OTUD4: variants seen among roughly 807,000 people sequenced by gnomAD.
OTUD4 encodes OTU deubiquitinase 4.
In OTUD4, 24 loss-of-function variants were observed where a neutral mutation model predicts 130.4. That is an observed-to-expected ratio of 0.18 (90% confidence interval 0.13 to 0.26). The LOEUF (loss-of-function observed/expected upper bound fraction) is 0.26, where lower values mean the gene tolerates loss of function less well. OTUD4 is among the 10% of genes least tolerant of loss of function. The pLI, the probability that OTUD4 is intolerant of heterozygous loss-of-function variation, is 1.00. For synonymous variants in OTUD4, 420 were observed against 472.5 expected, an observed-to-expected ratio of 0.89 and a Z score of 1.44; for missense variants, 1,031 against 1,329.4, an observed-to-expected ratio of 0.78 and a Z score of 3.49.
intron 3 of OTUD4, among the ~76,000 whole-genome samples, chr4:145,166,291 T>C (rs1579281397): frequency 6.6e-6 from 1 of 152,202 alleles, no homozygotes; most frequent in Admixed American, 6.5e-5. Flanking sequence ...AGCAATTGTT[T>C]TGAAAACAAG....
At chr4:145,166,251 A>G (rs770793224) in intron 3 of OTUD4, among the ~76,000 whole-genome samples, 2 of 152,164 alleles carry the variant, frequency 1.3e-5, no homozygotes, top group African/African-American at 2.4e-5. Flanking sequence ...TCTTCAGGGT[A>G]AATGAAGGTA....
rs372872304 is a variant in OTUD4, at chr4:145,136,014, A to G, written c.*1416T>C. On this transcript the variant is annotated 3_prime_UTR_variant, in exon 21 of 21. Coordinates refer to ENST00000447906, the MANE Select transcript of OTUD4 (RefSeq NM_001366057.1). ...TCACCGCATCTGGTTTTGGCTAGGT[A>G]TATTACACATGGCATGCAAAGAGAA... is the stretch of plus-strand genomic sequence containing the variant. 350 of 152,784 alleles carry G rather than the reference A, an allele frequency of 2.3e-3. 3 individuals are homozygous for G. Among genetic ancestry groups the G allele is most frequent in the African/African-American group, 7.6e-3 (318 of 41,578 alleles). 9.5% of individuals were successfully genotyped at this position (152,784 alleles called of 1,614,324 possible).
At chr4:145,152,890 T>C (rs960304640) in intron 10 of OTUD4, among the ~76,000 whole-genome samples, 2 of 151,604 alleles carry the variant, frequency 1.3e-5, no homozygotes, top group Non-Finnish European at 2.9e-5. Flanking sequence ...TCGGCTTTTT[T>C]TTTTTTTCTT....
chr4:145,162,814 T>C, intron 5 of OTUD4, 93 bp from the exon 6 acceptor site: 1 of 597,178 alleles, frequency 1.7e-6, no homozygotes, highest in Non-Finnish European at 2.9e-6. Flanking sequence ...AATTACTAGA[T>C]CATTTCCAAA....
chr4:145,159,981 G>C (rs1751479928), intron 6 of OTUD4, among the ~76,000 whole-genome samples: 1 of 152,194 alleles, frequency 6.6e-6, no homozygotes, highest in South Asian at 2.1e-4. Context: ...TCCACACACT[G>C]TGCAGCTTTA....
At chr4:145,170,648 C>T (rs539497529) in intron 3 of OTUD4, 1 of 152,288 alleles carries the variant, frequency 6.6e-6, no homozygotes, top group South Asian at 2.1e-4. Context: ...CCCAGGGTGA[C>T]TAGGAATTCT....
chr4:145,164,172 T>A lies in OTUD4; in HGVS notation c.396A>T (p.Glu132Asp). The change falls in exon 5 of 21, where the codon GAA becomes GAT. Residue 132 changes from glutamate (E) to aspartate (D), a missense_variant. By Grantham distance (45) the Glu-to-Asp change is conservative. This residue lies in a region of OTUD4 where 77 missense variants were observed against 172.9 expected (regional missense o/e 0.45). Transcript: ENST00000447906. ...TTCTTACCTTTTCAGGAAAATTATT[T>A]TCTGTTACTTGTGAAGGAGAAACAT... is the stretch of plus-strand genomic sequence containing the variant. ...EPNVSPSQVT[E>D]NNFPEKVLLC... 1 of 1,445,252 alleles carries A rather than the reference T, an allele frequency of 6.9e-7. No homozygotes were observed. Among genetic ancestry groups the A allele is most frequent in the Non-Finnish European group, 9.5e-7 (1 of 1,049,290 alleles). The allele number at this position is 1,445,252 out of a possible 1,614,324, so 89.5% of individuals were successfully genotyped here.
In OTUD4 at chr4:145,163,527, A is replaced by G. The variant is rs190986930; in HGVS notation, c.414+627T>C. Among the ~76,000 whole-genome samples the G allele has an allele frequency of 1.1e-4, 16 of 151,350 alleles. No individual in the cohort carries two copies. In the East Asian group the frequency reaches 3.1e-3, roughly 29 times the overall value. ...ATGGCAGAACCTATTTTCACAAGTT[A>G]TTTTTTTTTACTAATGTTTATATTG... On this transcript the variant is annotated intron_variant, in intron 5 of 20. Transcript: ENST00000447906.
At position 145,147,529 on chromosome 4, in the gene OTUD4, T is replaced by C. The variant is rs1038062322; in HGVS notation, c.1260-1100A>G. Among the ~76,000 whole-genome samples, 10 of 152,344 alleles carry C rather than the reference T, an allele frequency of 6.6e-5. No homozygotes were observed. The South Asian group carries it at 1.5e-3, about 22-fold the overall frequency. On this transcript the variant is annotated intron_variant, in intron 13 of 20. Transcript: ENST00000447906. ...CATCCAAAAAAAATGACCACTACTA[T>C]ATGGCCTTCATCTCATCCTCACCTA...
chr4:145,166,876 T>C (rs1751905050), intron 3 of OTUD4, among the ~76,000 whole-genome samples: 1 of 152,184 alleles, frequency 6.6e-6, no homozygotes, highest in Non-Finnish European at 1.5e-5. Flanking sequence ...CACTATAGAA[T>C]ATCATGCATT....
At position 145,150,518 on chromosome 4, in the gene OTUD4, G is replaced by C. The variant is rs145504222; in HGVS notation, c.1254C>G (p.Ile418Met). 6.0e-5 allele frequency: 95 copies of C among 1,595,776 alleles called. 1 individual carries two copies. In the African/African-American group the frequency reaches 1.2e-3, roughly 19 times the overall value. ...HKNLSRTPSQ[I>M]IRKPDRERVE... is the part of the protein sequence containing the mutation. ...CTTACATTCAAGAAGGTTACCTTAT[G>C]ATCTGTGAAGGTGTCCGGCTAAGAT... Residue 418 changes from isoleucine to methionine, a missense_variant, in exon 13 of 21, where the codon ATC becomes ATG. Coordinates refer to ENST00000447906, the MANE Select transcript of OTUD4 (RefSeq NM_001366057.1).
chr4:145,169,247 T>C (rs1270279230), intron 3 of OTUD4, among the ~76,000 whole-genome samples: 3 of 152,224 alleles, frequency 2.0e-5, no homozygotes, highest in Non-Finnish European at 4.4e-5. Flanking sequence ...TCAAATCTCA[T>C]CAAATTGTAT....
At chr4:145,173,583 T>C (rs1286714621) in intron 2 of OTUD4, among the ~76,000 whole-genome samples, 1 of 152,126 alleles carries the variant, frequency 6.6e-6, no homozygotes, top group Non-Finnish European at 1.5e-5. Flanking sequence ...CTACCACACC[T>C]CTGCACTCTC....
intron 18 of OTUD4, 90 bp from the exon 19 acceptor site, chr4:145,141,729 C>G: frequency 2.6e-6 from 3 of 1,170,884 alleles, no homozygotes; most frequent in Non-Finnish European, 3.5e-6. Flanking sequence ...TGCTGTATAA[C>G]TGATAAAGCC....
intron 20 of OTUD4, among the ~76,000 whole-genome samples, chr4:145,138,962 T>C (rs1560976018): frequency 6.6e-6 from 1 of 152,194 alleles, no homozygotes; most frequent in Non-Finnish European, 1.5e-5. Flanking sequence ...TACCACTAAC[T>C]CACTGTGTGA....
In OTUD4 at chr4:145,179,959, G is replaced by T. The variant is rs775890742; in HGVS notation, c.15C>A (p.Val5=). The T allele has an allele frequency of 7.9e-6, 12 of 1,519,782 alleles. No homozygotes were observed. In the African/African-American group the frequency reaches 1.3e-4, roughly 16 times the overall value. 94.1% of individuals were successfully genotyped at this position (1,519,782 alleles called of 1,614,324 possible). MEAA[V]GVPDGGDQGG... Reference sequence around the variant, plus strand: ...CCTGGTCCCCGCCGTCGGGGACGCCGACGGCAGCCTCCATGTTGCTGGTCC... The same window carrying T: ...CCTGGTCCCCGCCGTCGGGGACGCCTACGGCAGCCTCCATGTTGCTGGTCC... Residue 5 remains valine (V), a synonymous_variant, in exon 1 of 21, where the codon GTC becomes GTA. Coordinates refer to ENST00000447906, the MANE Select transcript of OTUD4 (RefSeq NM_001366057.1).
In OTUD4 at chr4:145,138,158, T is replaced by G; in HGVS notation, c.2617A>C (p.Asn873His). 6.2e-7 allele frequency: 1 copy of G among 1,614,022 alleles called. No homozygotes were observed. The highest frequency in any genetic ancestry group is 1.3e-5 in the African/African-American group (1 of 75,050). The change falls in exon 21 of 21, where the codon AAT becomes CAT. Residue 873 changes from asparagine (N) to histidine (H), a missense_variant. Asn to His is a moderately conservative substitution (Grantham distance 68). Coordinates refer to ENST00000447906, the MANE Select transcript of OTUD4 (RefSeq NM_001366057.1). ...ACAATATTCTGCCTCATTACTGGAT[T>G]TTCTATGAATCCCTGAAAAGGGTAC... Reference protein sequence around the residue: ...YGYPFQGFIENPVMRQNIVLP... With the variant: ...YGYPFQGFIEHPVMRQNIVLP...
In OTUD4 at chr4:145,134,896, A is replaced by T. The variant is rs139453339; in HGVS notation, c.*2534T>A. 14 of 398,828 alleles carry T rather than the reference A, an allele frequency of 3.5e-5. No homozygotes were observed. The highest frequency in any genetic ancestry group is 2.1e-4 in the East Asian group (6 of 28,092). The allele number at this position is 398,828 out of a possible 1,614,324, so 24.7% of individuals were successfully genotyped here. A position where few individuals can be genotyped will look rare whatever the true frequency, so the allele number is the denominator to read the frequency against. ...TATGATCATAATATGGTGAAGTTTC[A>T]TAATTTCCAACTCAAAAATACAAAT... On this transcript the variant is annotated 3_prime_UTR_variant, in exon 21 of 21. Transcript: ENST00000447906.
rs769298389 is a variant in OTUD4, at chr4:145,136,463, CGGGGGGGGGG to C, written c.*957_*966del. The C allele has an allele frequency of 2.3e-4, 1 of 4,286 alleles. No individual in the cohort carries two copies. Among genetic ancestry groups the C allele is most frequent in the Non-Finnish European group, 9.3e-4 (1 of 1,080 alleles). The allele number at this position is 4,286 out of a possible 1,614,324, so 0.3% of individuals were successfully genotyped here. A position where few individuals can be genotyped will look rare whatever the true frequency, so the allele number is the denominator to read the frequency against. On this transcript the variant is annotated 3_prime_UTR_variant, in exon 21 of 21. Coordinates refer to ENST00000447906, the MANE Select transcript of OTUD4 (RefSeq NM_001366057.1). ...TGAAAGTGATACACAACCAATGGTG[CGGGGGGGGGG>C]GGGAGGAAGAAAACAACTCTAGAAA...
Sources: gnomAD v4.1 joint callset for allele counts (sites outside exome capture counted in the v4.1 genomes callset) on GRCh38, gnomAD v4.1.1 for gene constraint, gnomAD v4.1.1 regional missense constraint, MANE v1.5 for transcripts, NCBI Gene and HGNC (gene_info 2026-07-23, HGNC 2026-07-21) for gene names.